Variants in ZMAT4 observed in about 807,000 individuals in gnomAD.
ZMAT4 encodes zinc finger matrin-type 4.
In ZMAT4, 17 loss-of-function variants were observed where a neutral mutation model predicts 28.7. That is an observed-to-expected ratio of 0.59 (90% CI 0.41 to 0.89). The LOEUF (loss-of-function observed/expected upper bound fraction) is 0.89, where lower values mean the gene tolerates loss of function less well. ZMAT4 is among the 40% of genes least tolerant of loss of function. The pLI is 0.00. For synonymous variants in ZMAT4, 117 were observed against 109.2 expected (o/e 1.07, Z -0.44); for missense variants, 240 against 283.8 (o/e 0.85, Z 1.11).
rs140397669 is a variant in ZMAT4, at chr8:40,705,465, C to A, written c.193-8064G>T. On this transcript the variant is annotated intron_variant, in intron 3 of 6. Transcript: ENST00000297737. ...TTACTATCTGTCTCTGACCACTATTCAATATTGTACACTCAGTATCTAGAG... is the reference window on the plus strand; with the variant it reads ...TTACTATCTGTCTCTGACCACTATTAAATATTGTACACTCAGTATCTAGAG... Among the ~76,000 whole-genome samples the A allele has an allele frequency of 5.5e-4, 84 of 152,190 alleles. No individual in the cohort carries two copies. The East Asian group carries it at 0.014, about 25-fold the overall frequency.
chr8:40,846,553 T>G (rs1328595426), intron 1 of ZMAT4, among the ~76,000 whole-genome samples: 1 of 152,220 alleles, frequency 6.6e-6, no homozygotes, highest in Admixed American at 6.5e-5. Flanking sequence ...GTTTTTCATT[T>G]CCTTTGATAA....
At chr8:40,629,145 C>T (rs1358055651) in intron 5 of ZMAT4, among the ~76,000 whole-genome samples, 1 of 151,344 alleles carries the variant, frequency 6.6e-6, no homozygotes, top group African/African-American at 2.4e-5. Flanking sequence ...CTTTTATTTC[C>T]ATCAGCCTCT....
intron 5 of ZMAT4, among the ~76,000 whole-genome samples, chr8:40,631,358 A>G (rs1806574489): frequency 6.6e-6 from 1 of 152,104 alleles, no homozygotes. Flanking sequence ...GAATTTCACC[A>G]TGTTGGCCAG....
chr8:40,837,531 C>A (rs890975651), intron 1 of ZMAT4, among the ~76,000 whole-genome samples: 2 of 152,152 alleles, frequency 1.3e-5, no homozygotes, highest in Non-Finnish European at 1.5e-5. Context: ...ACAAAGTGCA[C>A]TTTTTACCCA....
At position 40,726,754 on chromosome 8, in the gene ZMAT4, C is replaced by T. The variant is rs569540547; in HGVS notation, c.193-29353G>A. ...CTCAGTGGCTGCTTTTGTACTATAACAGCAGAGTTGAGGAGTGGCAACAGA... is the reference window on the plus strand; with the variant it reads ...CTCAGTGGCTGCTTTTGTACTATAATAGCAGAGTTGAGGAGTGGCAACAGA... On this transcript the variant is annotated intron_variant, in intron 3 of 6. Transcript: ENST00000297737. 3.3e-5 allele frequency among the ~76,000 whole-genome samples: 5 copies of T among 152,302 alleles called. No homozygotes were observed. In the South Asian group the frequency reaches 1.0e-3, roughly 32 times the overall value.
At chr8:40,832,744 C>T (rs373628796) in intron 1 of ZMAT4, among the ~76,000 whole-genome samples, 2 of 152,178 alleles carry the variant, frequency 1.3e-5, no homozygotes, top group African/African-American at 2.4e-5. Flanking sequence ...GGAGGCCTTC[C>T]GCTGTTGTTT....
At chr8:40,682,601 T>C (rs1404900312) in intron 4 of ZMAT4, among the ~76,000 whole-genome samples, 2 of 152,208 alleles carry the variant, frequency 1.3e-5, no homozygotes, top group Non-Finnish European at 2.9e-5. Flanking sequence ...AGCACTATAA[T>C]ATATCCGATG....
At chr8:40,696,494 C>G (rs1442210028) in intron 4 of ZMAT4, among the ~76,000 whole-genome samples, 1 of 152,160 alleles carries the variant, frequency 6.6e-6, no homozygotes. Context: ...GGTCACATTT[C>G]TGCCACAACA....
intron 3 of ZMAT4, among the ~76,000 whole-genome samples, chr8:40,759,769 C>A (rs941618517): frequency 1.3e-5 from 2 of 152,180 alleles, no homozygotes; most frequent in Non-Finnish European, 2.9e-5. Flanking sequence ...TTCTGGAAAA[C>A]AGGAATAGTT....
At chr8:40,850,032 G>A (rs1470121300) in intron 1 of ZMAT4, among the ~76,000 whole-genome samples, 2 of 151,852 alleles carry the variant, frequency 1.3e-5, no homozygotes, top group South Asian at 2.1e-4. Flanking sequence ...ATGTCGCTTC[G>A]ACCTCTGCAG....
At chr8:40,581,373 A>C in intron 5 of ZMAT4, 112 bp from the exon 6 acceptor site, 1 of 777,998 alleles carries the variant, frequency 1.3e-6, no homozygotes, top group Non-Finnish European at 2.2e-6. Flanking sequence ...CTCCTGATCT[A>C]CCCCACCAAC....
intron 6 of ZMAT4, among the ~76,000 whole-genome samples, chr8:40,538,612 C>A (rs543985501): frequency 2.6e-5 from 4 of 152,282 alleles, no homozygotes; most frequent in African/African-American, 9.6e-5. Context: ...TGAGAGAGTT[C>A]AGTACCCCTC....
rs893787523 is a variant in ZMAT4, at chr8:40,579,427, G to A, written c.674+1738C>T. 3.9e-5 allele frequency among the ~76,000 whole-genome samples: 6 copies of A among 152,240 alleles called. No individual in the cohort carries two copies. In the South Asian group the frequency reaches 6.2e-4, roughly 16 times the overall value. ...CAGCTTGGGGGGATGAGCAGTATCC[G>A]ATAATTAATACAAGAACTCTAGTAT... On this transcript the variant is annotated intron_variant, in intron 6 of 6. Coordinates refer to ENST00000297737, the MANE Select transcript of ZMAT4 (RefSeq NM_024645.3).
intron 2 of ZMAT4, among the ~76,000 whole-genome samples, chr8:40,806,376 G>A (rs1815085841): frequency 6.6e-6 from 1 of 152,042 alleles, no homozygotes; most frequent in Non-Finnish European, 1.5e-5. Context: ...TAATGACATG[G>A]ATGTGCAGCT....
intron 4 of ZMAT4, among the ~76,000 whole-genome samples, chr8:40,687,770 C>T (rs1241356900): frequency 6.6e-6 from 1 of 152,150 alleles, no homozygotes; most frequent in East Asian, 1.9e-4. Flanking sequence ...GTTTTGCTAA[C>T]TGAAAATGAA....
chr8:40,730,196 G>T (rs962215827), intron 3 of ZMAT4, among the ~76,000 whole-genome samples: 3 of 152,098 alleles, frequency 2.0e-5, no homozygotes, highest in African/African-American at 7.2e-5. Context: ...ATTTTTCCCA[G>T]TCCCTTTAAA....
chr8:40,891,592 C>A (rs561212344), intron 1 of ZMAT4, among the ~76,000 whole-genome samples: 12 of 152,214 alleles, frequency 7.9e-5, no homozygotes, highest in African/African-American at 2.9e-4. Flanking sequence ...CTTGTCTCAG[C>A]CAATCCCTGG....
At chr8:40,680,501 G>A (rs1809110017) in intron 4 of ZMAT4, among the ~76,000 whole-genome samples, 1 of 152,070 alleles carries the variant, frequency 6.6e-6, no homozygotes, top group South Asian at 2.1e-4. Context: ...AAGATCCACG[G>A]ACAGATCTCA....
chr8:40,850,454 G>A lies in ZMAT4; in HGVS notation c.-4-24774C>T, dbSNP rs184062548. 3.8e-3 allele frequency among the ~76,000 whole-genome samples: 577 copies of A among 152,214 alleles called. 2 individuals are homozygous for A. The highest frequency in any genetic ancestry group is 0.013 in the African/African-American group (543 of 41,528). On this transcript the variant is annotated intron_variant, in intron 1 of 6. Transcript: ENST00000297737. The stretch of plus-strand genomic sequence containing the variant: ...CTCTCCTTTCTCTGCTTCACAGGGC[G>A]GATCACTGCAGACAGTCATGGAAAG...
Sources: allele counts gnomAD v4.1 joint callset (sites outside exome capture counted in the v4.1 genomes callset), GRCh38; gene constraint gnomAD v4.1.1; transcripts MANE v1.5; gene names NCBI Gene and HGNC (gene_info 2026-07-23, HGNC 2026-07-21).